TNRC6A: variants seen among roughly 807,000 people sequenced by gnomAD.
The protein encoded by TNRC6A is trinucleotide repeat-containing gene 6A protein.
A neutral mutation model predicts 221.2 loss-of-function variants in TNRC6A; 44 were observed. The ratio of observed to expected loss-of-function variants is 0.20; its 90% CI spans 0.16 to 0.26. The LOEUF is 0.26. Ranked by LOEUF, TNRC6A falls within the 10% of genes least tolerant of loss-of-function variation. TNRC6A has a pLI of 1.00. For synonymous variants in TNRC6A, 847 were observed against 838.5 expected (o/e 1.01, Z -0.18); for missense variants, 2,199 against 2,404.4 (o/e 0.91, Z 1.79).
At chr16:24,720,788 C>A (rs1285678851) in intron 2 of TNRC6A, among the ~76,000 whole-genome samples, 2 of 150,764 alleles carry the variant, frequency 1.3e-5, no homozygotes, top group East Asian at 1.9e-4. Context: ...GTAATCCCAG[C>A]ACTTTGGGAG....
chr16:24,758,503 G>C (rs1175350401), intron 4 of TNRC6A, 143 bp downstream of exon 4: 2 of 833,062 alleles, frequency 2.4e-6, no homozygotes, highest in Non-Finnish European at 3.8e-6. Context: ...CATACCCTGG[G>C]GTCGTCCTTT....
At chr16:24,688,465 A>G (rs1377506831) in intron 2 of TNRC6A, among the ~76,000 whole-genome samples, 1 of 152,154 alleles carries the variant, frequency 6.6e-6, no homozygotes, top group Non-Finnish European at 1.5e-5. Flanking sequence ...GGGAAGCAGG[A>G]AAAGTGTGGA....
At chr16:24,610,644 A>G (rs991869336) in intron 1 of TNRC6A, among the ~76,000 whole-genome samples, 1 of 152,004 alleles carries the variant, frequency 6.6e-6, no homozygotes, top group Non-Finnish European at 1.5e-5. Flanking sequence ...CAGCCTTCCT[A>G]AGGAGCAGCG....
In TNRC6A at chr16:24,777,053, CACAGCAGCAGCAGCA is replaced by C. The variant is rs756416479; in HGVS notation, c.296_310del (p.Gln99_Gln103del). 3.5e-5 allele frequency: 56 copies of C among 1,613,524 alleles called. No homozygotes were observed. The highest frequency in any genetic ancestry group is 3.3e-4 in the East Asian group (15 of 44,840). ...CGAGCTACAGCCAACAATCAGCAGC[CACAGCAGCAGCAGCA>C]ACAGCAGCAGCCGCAGCAGCAGCAG... On this transcript the variant is annotated inframe_deletion, in exon 5 of 25. Coordinates refer to ENST00000395799, the MANE Select transcript of TNRC6A (RefSeq NM_014494.4).
At chr16:24,719,163 T>C (rs1390756921) in intron 2 of TNRC6A, among the ~76,000 whole-genome samples, 1 of 152,170 alleles carries the variant, frequency 6.6e-6, no homozygotes, top group Non-Finnish European at 1.5e-5. Context: ...GGTGGAGATG[T>C]ACTGATGACT....
At chr16:24,759,729 G>T (rs554735999) in intron 4 of TNRC6A, among the ~76,000 whole-genome samples, 1 of 152,292 alleles carries the variant, frequency 6.6e-6, no homozygotes, top group East Asian at 1.9e-4. Context: ...AGAGGGTCAT[G>T]AGGGTTTGAA....
intron 1 of TNRC6A, among the ~76,000 whole-genome samples, chr16:24,613,444 ATTTTATTTTATTTTATTTTATTTTAT>A (rs1270210094): frequency 1.4e-3 from 2 of 1,458 alleles, no homozygotes; most frequent in Non-Finnish European, 3.4e-3. Flanking sequence ...AAAGCATTTT[ATTTTATTTTATTTTATTTTATTTTAT>A]TTTATTTTAT....
chr16:24,806,369 C>T, intron 16 of TNRC6A, 86 bp downstream of exon 16: 1 of 1,527,910 alleles, frequency 6.5e-7, no homozygotes, highest in Non-Finnish European at 8.9e-7. Flanking sequence ...TCAGAAATGT[C>T]TTTCTTAAAA....
At chr16:24,683,351 C>T (rs2055569085) in intron 2 of TNRC6A, among the ~76,000 whole-genome samples, 1 of 152,132 alleles carries the variant, frequency 6.6e-6, no homozygotes. Context: ...CATACACCAC[C>T]ATGCCCAGCA....
At chr16:24,724,538 G>A (rs1293398334) in intron 2 of TNRC6A, among the ~76,000 whole-genome samples, 1 of 152,146 alleles carries the variant, frequency 6.6e-6, no homozygotes, top group Admixed American at 6.6e-5. Context: ...CTGAGCTCAG[G>A]AGTTGGAGAC....
chr16:24,622,129 T>A (rs1393096930), intron 1 of TNRC6A, among the ~76,000 whole-genome samples: 1 of 152,130 alleles, frequency 6.6e-6, no homozygotes, highest in Admixed American at 6.5e-5. Flanking sequence ...CAAAAGAATA[T>A]TTTTTAGTGG....
chr16:24,744,210 C>T (rs748684212), intron 2 of TNRC6A, among the ~76,000 whole-genome samples: 3 of 152,178 alleles, frequency 2.0e-5, no homozygotes, highest in Non-Finnish European at 4.4e-5. Flanking sequence ...TACATCATGT[C>T]AGGAGATGCC....
chr16:24,616,598 A>C (rs1472138897), intron 1 of TNRC6A, among the ~76,000 whole-genome samples: 1 of 152,126 alleles, frequency 6.6e-6, no homozygotes. Context: ...TTGACCCAGC[A>C]TATGGTCAGT....
At chr16:24,795,828 A>C in intron 8 of TNRC6A, 79 bp from the exon 9 acceptor site, 1 of 1,387,410 alleles carries the variant, frequency 7.2e-7, no homozygotes, top group Non-Finnish European at 9.7e-7. Flanking sequence ...GTAAGGACTT[A>C]AGTTTAGGTC....
intron 2 of TNRC6A, among the ~76,000 whole-genome samples, chr16:24,713,445 CAAACAAA>C (rs1455715235): frequency 8.7e-5 from 7 of 80,004 alleles, no homozygotes; most frequent in African/African-American, 3.1e-4. Context: ...AACAAACAAA[CAAACAAA>C]AAAATATATA....
At chr16:24,774,430 A>T (rs1301495102) in intron 4 of TNRC6A, among the ~76,000 whole-genome samples, 1 of 152,236 alleles carries the variant, frequency 6.6e-6, no homozygotes, top group African/African-American at 2.4e-5. Flanking sequence ...GATCAGAAGT[A>T]CAGCAGTTAC....
intron 18 of TNRC6A, among the ~76,000 whole-genome samples, chr16:24,811,663 A>C (rs1861852235): frequency 1.3e-5 from 2 of 151,848 alleles, no homozygotes; most frequent in South Asian, 4.1e-4. Context: ...TCAGATTTGC[A>C]CTTTCGAATG....
intron 2 of TNRC6A, among the ~76,000 whole-genome samples, chr16:24,657,159 C>T (rs1463017133): frequency 6.6e-6 from 1 of 150,982 alleles, no homozygotes; most frequent in Non-Finnish European, 1.5e-5. Flanking sequence ...ACAAAAAATA[C>T]AAAAATTAGC....
At chr16:24,729,466 C>A (rs1028852934), upstream of TNRC6A, among the ~76,000 whole-genome samples, 174 of 151,848 alleles carry the variant, frequency 1.1e-3, no homozygotes, top group African/African-American at 4.1e-3. Flanking sequence ...CTCCGCAGGC[C>A]CCCCCAGCCA....
Sources: allele counts gnomAD v4.1 joint callset (sites outside exome capture counted in the v4.1 genomes callset), GRCh38; gene constraint gnomAD v4.1.1; transcripts MANE v1.5; gene names NCBI Gene and HGNC (gene_info 2026-07-23, HGNC 2026-07-21).